Variants in ABCB8 observed in about 807,000 individuals in gnomAD.
ABCB8 encodes the protein mitochondrial potassium channel ATP-binding subunit.
ABCB8 carries 52 observed loss-of-function variants against 73.0 expected under a neutral mutation model. The observed-to-expected ratio is 0.71, with a 90% CI of 0.57 to 0.90. ABCB8 has a LOEUF of 0.90. Among genes scored for constraint, ABCB8 ranks in the 40% least tolerant of loss-of-function variants. The pLI is 0.00. For synonymous variants in ABCB8, 428 were observed against 423.5 expected, an observed-to-expected ratio of 1.01 and a Z score of -0.13; for missense variants, 909 against 974.6, an observed-to-expected ratio of 0.93 and a Z score of 0.90.
At chr7:151,037,512 T>A in intron 9 of ABCB8, 1 of 597,756 alleles carries the variant, frequency 1.7e-6, no homozygotes, top group Admixed American at 2.9e-5. Flanking sequence ...CCTATCTCTT[T>A]CCAAGCTAAA....
chr7:151,036,855 C>T, intron 9 of ABCB8: 1 of 757,650 alleles, frequency 1.3e-6, no homozygotes. Flanking sequence ...AGTGGCGCTG[C>T]AGCAGGCAGG....
At chr7:151,037,684 C>T (rs1796348141) in intron 9 of ABCB8, 3 of 343,394 alleles carry the variant, frequency 8.7e-6, no homozygotes, top group East Asian at 1.5e-4. Flanking sequence ...GGGGCCCCCA[C>T]CCCATTCTAC....
At position 151,035,644 on chromosome 7, in the gene ABCB8, C is replaced by G; in HGVS notation, c.829C>G (p.Leu277Val). The change falls in exon 6 of 16, where the codon CTC (leucine) becomes GTC (valine). Residue 277 changes from leucine (L) to valine (V), a missense_variant. Physicochemically the swap from Leu to Val is conservative, Grantham distance 32 (BLOSUM62 1). Coordinates refer to ENST00000358849, the MANE Select transcript of ABCB8 (RefSeq NM_007188.5). ...GTCCCTGTCCATGCTGTCGACACGC[C>G]TCACGCTGCTGCTGATGGTGGCCAC... ...LVSLSMLSTRLTLLLMVATPA... is the reference protein window; with the variant it reads ...LVSLSMLSTRVTLLLMVATPA... The G allele has an allele frequency of 3.7e-6, 6 of 1,612,856 alleles. No individual in the cohort carries two copies. Among genetic ancestry groups the G allele is most frequent in the Non-Finnish European group, 4.2e-6 (5 of 1,179,430 alleles).
In ABCB8 at chr7:151,034,351, A is replaced by G. The variant is rs1419869796; in HGVS notation, c.487A>G (p.Thr163Ala). 5.0e-6 allele frequency: 8 copies of G among 1,613,908 alleles called. No homozygotes were observed. Among genetic ancestry groups the G allele is most frequent in the Non-Finnish European group, 6.8e-6 (8 of 1,179,992 alleles). ...GQLVEVVAKY[T>A]RDHVGSFMTE... ...GCTGGTAGAGGTCGTGGCCAAGTAC[A>G]CAAGGGACCACGTAGGGAGTTTCAT... Residue 163 changes from threonine to alanine, a missense_variant, in exon 3 of 16, where the codon ACA becomes GCA. Physicochemically the swap from Thr to Ala is moderately conservative, Grantham distance 58. Coordinates refer to ENST00000358849, the MANE Select transcript of ABCB8 (RefSeq NM_007188.5).
intron 9 of ABCB8, chr7:151,037,032 G>GT (rs1338364562): frequency 1.3e-5 from 9 of 686,408 alleles, no homozygotes; most frequent in Non-Finnish European, 2.4e-5. Flanking sequence ...CTGTGCGGCT[G>GT]TTGTCACCGT....
Position 151,041,134 on chromosome 7 carries a change from T to C in ABCB8, c.1519T>C (p.Tyr507His), listed in dbSNP as rs144080665. The change falls in exon 13 of 16, where the codon TAC (tyrosine) becomes CAC (histidine). Residue 507 changes from tyrosine (Y) to histidine (H), a missense_variant. By Grantham distance (83) the Tyr-to-His change is moderately conservative. Coordinates refer to ENST00000358849, the MANE Select transcript of ABCB8 (RefSeq NM_007188.5). ...TTVASLLERF[Y>H]DPTAGVVMLD... ...CGTGGCTTCCCTGCTGGAGCGCTTC[T>C]ACGACCCCACGGCAGGCGTGGTGAT... 193 of 1,612,940 alleles carry C rather than the reference T, an allele frequency of 1.2e-4. No homozygotes were observed. The highest frequency in any genetic ancestry group is 1.6e-4 in the Non-Finnish European group (183 of 1,179,942).
rs747536761 is a variant in ABCB8 at position 151,044,190 on chromosome 7, T to C, written c.1985T>C (p.Ile662Thr). The change falls in exon 15 of 16, where the codon ATT becomes ACT. Residue 662 changes from isoleucine (I) to threonine (T), a missense_variant. Coordinates refer to ENST00000358849, the MANE Select transcript of ABCB8 (RefSeq NM_007188.5). ...AGCACTGTCCGTGGGGCCCACTGCA[T>C]TGTCGTCATGGCCGATGGCCGTGTC... ...RLSTVRGAHC[I>T]VVMADGRVWE... 6.2e-7 allele frequency: 1 copy of C among 1,603,884 alleles called. No individual in the cohort carries two copies. The highest frequency in any genetic ancestry group is 8.5e-7 in the Non-Finnish European group (1 of 1,171,478).
In ABCB8 at chr7:151,031,905, C is replaced by T. The variant is rs1038500216; in HGVS notation, c.96-1700C>T. 1.1e-4 allele frequency among the ~76,000 whole-genome samples: 17 copies of T among 152,224 alleles called. 1 individual carries two copies. The highest frequency in any genetic ancestry group is 7.9e-4 in the Admixed American group (12 of 15,286). On this transcript the variant is annotated intron_variant, in intron 1 of 15. Coordinates refer to ENST00000358849, the MANE Select transcript of ABCB8 (RefSeq NM_007188.5). ...TTGGGATTACAGGCGTGAGCCACTG[C>T]GCCCGGCCATGCTACGATCTTTAAA...
In ABCB8 at chr7:151,035,975, C is replaced by A. The variant is rs1796296683; in HGVS notation, c.1013+8C>A. 2 of 1,613,768 alleles carry A rather than the reference C, an allele frequency of 1.2e-6. No homozygotes were observed. Among genetic ancestry groups the A allele is most frequent in the East Asian group, 4.5e-5 (2 of 44,882 alleles). ...GGAGCAACGGGAAGAGGAGTGAGTC[C>A]TGGGAGGGCGGAGCACAAAGCAGAG... On this transcript the variant is annotated splice_region_variant and intron_variant, in intron 7 of 15. Transcript: ENST00000358849.
At chr7:151,036,810 C>T in intron 9 of ABCB8, 161 bp downstream of exon 9, 2 of 764,180 alleles carry the variant, frequency 2.6e-6, no homozygotes, top group Middle Eastern at 2.6e-4. Context: ...GAGAGAGAGC[C>T]CCTCAGGGCC....
chr7:151,030,291 G>A (rs964652891), intron 1 of ABCB8, among the ~76,000 whole-genome samples: 8 of 144,040 alleles, frequency 5.6e-5, no homozygotes, highest in Admixed American at 2.1e-4. Context: ...CAAGGCAGGC[G>A]ATCACCTGAG....
intron 1 of ABCB8, chr7:151,031,147 T>C (rs138418335): frequency 1.5e-5 from 12 of 805,082 alleles, no homozygotes; most frequent in Middle Eastern, 2.2e-4. Context: ...AATGAGGGCA[T>C]GCATGTGCTC....
Position 151,041,215 on chromosome 7 carries a change from G to A in ABCB8, c.1600G>A (p.Val534Ile). Residue 534 changes from valine to isoleucine, a missense_variant, in exon 13 of 16, where the codon GTC becomes ATC. Val to Ile is a conservative substitution (Grantham distance 29, BLOSUM62 3). Coordinates refer to ENST00000358849, the MANE Select transcript of ABCB8 (RefSeq NM_007188.5). ...CCCCTCCTGGCTCCGGGGCCAGGTTGTCGGCTTCATCAGCCAGGTGCGGGG... is the reference window on the plus strand; with the variant it reads ...CCCCTCCTGGCTCCGGGGCCAGGTTATCGGCTTCATCAGCCAGGTGCGGGG... ...LDPSWLRGQV[V>I]GFISQEPVLF... The A allele has an allele frequency of 1.2e-6, 2 of 1,603,288 alleles. No homozygotes were observed. Among genetic ancestry groups the A allele is most frequent in the Non-Finnish European group, 1.7e-6 (2 of 1,179,064 alleles).
intron 12 of ABCB8, 40 bp downstream of exon 12, chr7:151,040,962 T>C: frequency 2.5e-6 from 4 of 1,599,996 alleles, no homozygotes; most frequent in Non-Finnish European, 3.4e-6. Flanking sequence ...CTGACTCTTC[T>C]CTAGCAGCCA....
At chr7:151,031,177 G>T (rs149584379) in intron 1 of ABCB8, 17 of 1,049,138 alleles carry the variant, frequency 1.6e-5, no homozygotes, top group Non-Finnish European at 2.4e-5. Flanking sequence ...AAACATTTGC[G>T]GAACATCTAT....
intron 14 of ABCB8, among the ~76,000 whole-genome samples, chr7:151,042,765 G>A (rs1442724578): frequency 6.6e-6 from 1 of 152,194 alleles, no homozygotes; most frequent in Non-Finnish European, 1.5e-5. Flanking sequence ...AGGATACAGG[G>A]ATACCTGGGC....
At chr7:151,032,839 T>A in intron 1 of ABCB8, 2 of 342,728 alleles carry the variant, frequency 5.8e-6, no homozygotes, top group South Asian at 4.5e-5. Context: ...TGTTTCCTCC[T>A]TCAGCTGTGG....
Position 151,033,587 on chromosome 7 carries a change from G to C in ABCB8, c.96-18G>C. ...GCAGTCGGAGCCTCAAGCCATCCAT[G>C]CCTCTCTCTCCTTACAGGTACTCTG... On this transcript the variant is annotated intron_variant, in intron 1 of 15. Transcript: ENST00000358849. 6.5e-7 allele frequency: 1 copy of C among 1,534,932 alleles called. No homozygotes were observed. The highest frequency in any genetic ancestry group is 1.3e-5 in the South Asian group (1 of 78,644).
chr7:151,030,354 A>C (rs1796127466), intron 1 of ABCB8, among the ~76,000 whole-genome samples: 1 of 148,916 alleles, frequency 6.7e-6, no homozygotes. Context: ...GTCTCTGCTA[A>C]AAATACAAAA....
Sources: gnomAD v4.1 joint callset for allele counts (sites outside exome capture counted in the v4.1 genomes callset) on GRCh38, gnomAD v4.1.1 for gene constraint, MANE v1.5 for transcripts, NCBI Gene and HGNC (gene_info 2026-07-23, HGNC 2026-07-21) for gene names.